The following C16orf46 variants were observed in gnomAD, a reference collection of about 807,000 sequenced individuals.
C16orf46 encodes uncharacterized protein C16orf46.
Under a neutral mutation model 5.5 loss-of-function variants are expected in C16orf46, and 7 were observed. The ratio of observed to expected loss-of-function variants is 1.28; its 90% CI spans 0.73 to 2.40. The LOEUF is 2.40. Among genes scored for constraint, C16orf46 ranks in the 30% most tolerant of loss-of-function variants. The pLI is 0.00. For missense variants in C16orf46, 614 were observed against 476.0 expected, an observed-to-expected ratio of 1.29 and a Z score of -2.70; for synonymous variants, 200 against 184.1, an observed-to-expected ratio of 1.09 and a Z score of -0.70.
chr16:81,072,321 C>A (rs1971882860), intron 1 of C16orf46: 1 of 98,774 alleles, frequency 1.0e-5, no homozygotes, highest in African/African-American at 3.6e-5. Context: ...AATGATTATA[C>A]CTGATGCAAA....
chr16:81,053,851 C>T (rs1387766672), exon 4 of C16orf46: 5 of 479,428 alleles, frequency 1.0e-5, no homozygotes, highest in African/African-American at 3.9e-5. Flanking sequence ...TTTTGGGGGC[C>T]GGGTTGGGGA....
chr16:81,054,671 C>T (rs1166188695), intron 3 of C16orf46, among the ~76,000 whole-genome samples: 1 of 151,780 alleles, frequency 6.6e-6, no homozygotes, highest in Non-Finnish European at 1.5e-5. Context: ...TTTTTTGAGA[C>T]AGTGTCTCAC....
chr16:81,055,608 C>T (rs531735041), intron 3 of C16orf46: 2 of 152,202 alleles, frequency 1.3e-5, no homozygotes, highest in South Asian at 2.1e-4. Context: ...GTAGGAGGAT[C>T]GCTTAAACCC....
intron 1 of C16orf46, among the ~76,000 whole-genome samples, chr16:81,073,450 G>T (rs913648080): frequency 6.6e-6 from 1 of 152,206 alleles, no homozygotes; most frequent in African/African-American, 2.4e-5. Flanking sequence ...AGATAACGTG[G>T]TAGGCAGAAT....
At chr16:81,065,095 G>C (rs1971611959) in intron 2 of C16orf46, among the ~76,000 whole-genome samples, 1 of 152,138 alleles carries the variant, frequency 6.6e-6, no homozygotes, top group East Asian at 1.9e-4. Context: ...CAGAGCCAAA[G>C]AGCTGAACAG....
intron 1 of C16orf46, among the ~76,000 whole-genome samples, chr16:81,066,665 G>A (rs1971664802): frequency 6.6e-6 from 1 of 152,168 alleles, no homozygotes; most frequent in African/African-American, 2.4e-5. Flanking sequence ...TTGGAATGCA[G>A]ACATCTATAT....
intron 1 of C16orf46, chr16:81,072,005 G>C (rs79926943): frequency 0.077 from 11,771 of 152,284 alleles, 500 homozygotes; most frequent in East Asian, 0.19. Flanking sequence ...GCAGTGAATA[G>C]GTAACGTCCT....
At chr16:81,066,059 A>G (rs528235440) in intron 2 of C16orf46, 134 bp downstream of exon 2, 1 of 151,480 alleles carries the variant, frequency 6.6e-6, no homozygotes, top group Admixed American at 6.6e-5. Context: ...CCAACACTAC[A>G]TTTTTATAAG....
chr16:81,057,089 A>G (rs60406230), downstream of C16orf46, among the ~76,000 whole-genome samples: 2,137 of 152,236 alleles, frequency 0.014, 53 homozygotes, highest in African/African-American at 0.048. Context: ...ACATCCCACA[A>G]TGCACATACA....
chr16:81,053,825 T>C (rs1448576528), exon 4 of C16orf46: 2 of 441,286 alleles, frequency 4.5e-6, no homozygotes, highest in Admixed American at 3.7e-5. Flanking sequence ...TTATATTACC[T>C]CTGCATATAA....
At chr16:81,054,984 T>C (rs1361123464) in intron 3 of C16orf46, among the ~76,000 whole-genome samples, 2 of 152,212 alleles carry the variant, frequency 1.3e-5, no homozygotes, top group Non-Finnish European at 2.9e-5. Context: ...GAAGTCACTA[T>C]TCTGTTACAA....
At chr16:81,056,023 T>C (rs548890502), downstream of C16orf46, 10 of 152,308 alleles carry the variant, frequency 6.6e-5, no homozygotes, top group African/African-American at 2.4e-4. Context: ...CAGCCAACTG[T>C]TTCATTTTAA....
intron 1 of C16orf46, 74 bp downstream of exon 1, chr16:81,077,062 G>C (rs936007271): frequency 6.6e-6 from 1 of 152,408 alleles, no homozygotes; most frequent in Non-Finnish European, 1.5e-5. Flanking sequence ...ACGAGGCAGG[G>C]ACTCTCGCTC....
At position 81,068,074 on chromosome 16, in the gene C16orf46, A is replaced by G. The variant is rs1025792526; in HGVS notation, c.-127-1793T>C. Among the ~76,000 whole-genome samples, 23 of 152,270 alleles carry G rather than the reference A, an allele frequency of 1.5e-4. 1 individual carries two copies. On this transcript the variant is annotated intron_variant, in intron 1 of 3. Coordinates refer to ENST00000299578, the MANE Select transcript of C16orf46 (RefSeq NM_152337.3). Reference sequence around the variant, plus strand: ...AACAGGTGTAAATGCAGAAAAGAATAGACATTACTATTTGGATCTGTGACA... The same window carrying G: ...AACAGGTGTAAATGCAGAAAAGAATGGACATTACTATTTGGATCTGTGACA...
At chr16:81,068,169 C>T (rs1238003119) in intron 1 of C16orf46, among the ~76,000 whole-genome samples, 20 of 152,194 alleles carry the variant, frequency 1.3e-4, no homozygotes, top group African/African-American at 1.9e-4. Flanking sequence ...CTTTGTTATA[C>T]GTCCGGCAAA....
intron 2 of C16orf46, among the ~76,000 whole-genome samples, chr16:81,065,267 G>T (rs529680677): frequency 6.6e-6 from 1 of 152,142 alleles, no homozygotes; most frequent in South Asian, 2.1e-4. Context: ...GAGGTTAGGT[G>T]TTGAGACCAG....
rs62054595 is a variant in C16orf46 at position 81,054,278 on chromosome 16, C to A, written c.1144-184G>T. Among the ~76,000 whole-genome samples the A allele has an allele frequency of 0.051, 602 of 11,736 alleles. 3 individuals carry two copies. The highest frequency in any genetic ancestry group is 0.5 in the Middle Eastern group (3 of 6). 7.7% of individuals were successfully genotyped at this position (11,736 alleles called of 152,430 possible). ...ACCAACAAGCAAACAACAACAACAA[C>A]AACAAAAAAAAACAACAAAAATAAA... On this transcript the variant is annotated intron_variant, in intron 3 of 3. Coordinates refer to the C16orf46 transcript ENST00000378611.
chr16:81,077,108 G>C (rs564722832), intron 1 of C16orf46, 28 bp downstream of exon 1: 1 of 152,442 alleles, frequency 6.6e-6, no homozygotes, highest in East Asian at 1.9e-4. Context: ...CTTGCCCCAG[G>C]GGTGGAGAAA....
chr16:81,065,100 G>A (rs1217331194), intron 2 of C16orf46, among the ~76,000 whole-genome samples: 1 of 152,176 alleles, frequency 6.6e-6, no homozygotes. Flanking sequence ...CCAAAGAGCT[G>A]AACAGTTCCA....
Sources: gnomAD v4.1 joint callset for allele counts (sites outside exome capture counted in the v4.1 genomes callset) on GRCh38, gnomAD v4.1.1 for gene constraint, MANE v1.5 for transcripts, NCBI Gene and HGNC (gene_info 2026-07-23, HGNC 2026-07-21) for gene names.